LDB3: variants seen among roughly 807,000 people sequenced by gnomAD.
The protein encoded by LDB3 is LIM domain-binding protein 3.
A neutral mutation model predicts 69.0 loss-of-function variants in LDB3; 49 were observed. The ratio of observed to expected loss-of-function variants is 0.71; its 90% CI spans 0.56 to 0.90. The LOEUF (loss-of-function observed/expected upper bound fraction) is 0.90, where lower values mean the gene tolerates loss of function less well. Ranked by LOEUF, LDB3 falls within the 40% of genes least tolerant of loss-of-function variation. LDB3 has a pLI of 0.00. For synonymous variants in LDB3, 387 were observed against 396.2 expected (o/e 0.98, Z 0.28); for missense variants, 928 against 974.1 (o/e 0.95, Z 0.63).
At chr10:86,697,410 G>A (rs1163623790) in intron 7 of LDB3, among the ~76,000 whole-genome samples, 1 of 150,970 alleles carries the variant, frequency 6.6e-6, no homozygotes, top group Non-Finnish European at 1.5e-5. Context: ...TAGTAGAGAT[G>A]GGGTTTCACC....
At chr10:86,672,711 C>A (rs1844556850) in intron 2 of LDB3, among the ~76,000 whole-genome samples, 1 of 152,218 alleles carries the variant, frequency 6.6e-6, no homozygotes, top group African/African-American at 2.4e-5. Flanking sequence ...TCCCCCAGGC[C>A]AGGTCCTCCG....
In LDB3 at chr10:86,699,531, C is replaced by T. The variant is rs1846165343; in HGVS notation, c.896+6960C>T. ...AACCGCAGCATTTCTGTCCTCTGCC[C>T]ACCCCAGAGCTGATGCTGGGGCCCA... is the stretch of plus-strand genomic sequence containing the variant. On this transcript the variant is annotated intron_variant, in intron 7 of 13. Coordinates refer to ENST00000361373, the MANE Select transcript of LDB3 (RefSeq NM_007078.3). This position sits in a 1 kb window ranked among gnomAD's most constrained non-coding sequence, Gnocchi z 4.9. The T allele has an allele frequency of 1.9e-5, 29 of 1,493,266 alleles. No homozygotes were observed. The highest frequency in any genetic ancestry group is 2.0e-5 in the Non-Finnish European group (23 of 1,123,116). The allele number at this position is 1,493,266 out of a possible 1,614,324, so 92.5% of individuals were successfully genotyped here. A position where few individuals can be genotyped will look rare whatever the true frequency, so the allele number is the denominator to read the frequency against.
chr10:86,684,407 C>T (rs1168980992), intron 5 of LDB3, among the ~76,000 whole-genome samples: 4 of 152,242 alleles, frequency 2.6e-5, no homozygotes, highest in Non-Finnish European at 5.9e-5. Context: ...CAGCCCCCAC[C>T]CCGCCAGGCC....
At chr10:86,713,893 T>C (rs1372725299) in intron 9 of LDB3, among the ~76,000 whole-genome samples, 1 of 152,196 alleles carries the variant, frequency 6.6e-6, no homozygotes, top group Admixed American at 6.5e-5. Context: ...TCAGGTTATC[T>C]GACTTCAGGA....
At chr10:86,723,603 G>C (rs772726472) in intron 12 of LDB3, among the ~76,000 whole-genome samples, 1 of 152,196 alleles carries the variant, frequency 6.6e-6, no homozygotes, top group East Asian at 1.9e-4. Flanking sequence ...TCCTCAGGTG[G>C]AGACGGGTCA....
intron 2 of LDB3, among the ~76,000 whole-genome samples, chr10:86,677,136 C>T (rs376799654): frequency 3.9e-5 from 6 of 152,330 alleles, no homozygotes; most frequent in East Asian, 1.9e-4. Context: ...GGGTGGGGTC[C>T]GGAGCCTCCT....
At chr10:86,682,636 A>G (rs1356464115) in intron 5 of LDB3, among the ~76,000 whole-genome samples, 1 of 152,210 alleles carries the variant, frequency 6.6e-6, no homozygotes, top group Non-Finnish European at 1.5e-5. Flanking sequence ...CAGGCAGGGC[A>G]GGCTGAGTCA....
At position 86,699,107 on chromosome 10, in the gene LDB3, G is replaced by T. The variant is rs1439911096; in HGVS notation, c.896+6536G>T. Among the ~76,000 whole-genome samples the T allele has an allele frequency of 6.6e-6, 1 of 151,984 alleles. No individual in the cohort carries two copies. Among genetic ancestry groups the T allele is most frequent in the Non-Finnish European group, 1.5e-5 (1 of 67,982 alleles). ...TGGGTTACAATGTACCCCATGGATT[G>T]CATAGCTTCTCCAAGCCCGTTCCCT... On this transcript the variant is annotated intron_variant, in intron 7 of 13. Transcript: ENST00000361373. This position sits in a 1 kb window ranked among gnomAD's most constrained non-coding sequence, Gnocchi z 4.9.
At chr10:86,731,423 C>T (rs2132514352) in intron 13 of LDB3, among the ~76,000 whole-genome samples, 1 of 151,934 alleles carries the variant, frequency 6.6e-6, no homozygotes, top group South Asian at 2.1e-4. Context: ...CAAGGTTTCA[C>T]CATGTTGGTC....
chr10:86,731,552 T>C (rs1001848771), intron 13 of LDB3, among the ~76,000 whole-genome samples: 4 of 152,266 alleles, frequency 2.6e-5, no homozygotes, highest in East Asian at 1.9e-4. Flanking sequence ...TGGCATTCCA[T>C]TGGAAAAATA....
At chr10:86,715,068 G>A (rs972160565) in intron 9 of LDB3, among the ~76,000 whole-genome samples, 1 of 152,216 alleles carries the variant, frequency 6.6e-6, no homozygotes, top group Admixed American at 6.5e-5. Flanking sequence ...GCCCCAGGCG[G>A]TCCAGGGGAA....
At chr10:86,673,274 T>G (rs1589607139) in intron 2 of LDB3, among the ~76,000 whole-genome samples, 1 of 151,426 alleles carries the variant, frequency 6.6e-6, no homozygotes, top group African/African-American at 2.4e-5. Context: ...CCAGGGGAGG[T>G]GTGGTCAGCT....
At chr10:86,713,224 C>G (rs979138278) in intron 9 of LDB3, among the ~76,000 whole-genome samples, 1 of 152,038 alleles carries the variant, frequency 6.6e-6, no homozygotes, top group Non-Finnish European at 1.5e-5. Flanking sequence ...TATTGGACAC[C>G]GCAGGATTAG....
intron 7 of LDB3, among the ~76,000 whole-genome samples, chr10:86,703,310 C>T (rs1846329745): frequency 6.6e-6 from 1 of 152,228 alleles, no homozygotes; most frequent in South Asian, 2.1e-4. Context: ...GAGCAGCCAG[C>T]TCAGTGGCGT....
At chr10:86,679,029 C>T (rs1469554984) in intron 2 of LDB3, among the ~76,000 whole-genome samples, 1 of 152,188 alleles carries the variant, frequency 6.6e-6, no homozygotes, top group Non-Finnish European at 1.5e-5. Context: ...TCCTCCTCTC[C>T]ATGCCCTGCA....
At chr10:86,690,271 GA>G (rs1845694097) in intron 5 of LDB3, among the ~76,000 whole-genome samples, 1 of 152,168 alleles carries the variant, frequency 6.6e-6, no homozygotes, top group South Asian at 2.1e-4. Context: ...CAGGACCAGG[GA>G]GACCTGGTTG....
At chr10:86,672,326 C>T (rs1844532263) in intron 2 of LDB3, among the ~76,000 whole-genome samples, 1 of 152,122 alleles carries the variant, frequency 6.6e-6, no homozygotes, top group Non-Finnish European at 1.5e-5. Context: ...TGCAGGCTCA[C>T]CTGGAGCACC....
rs45543741 is a variant in LDB3 at position 86,681,690 on chromosome 10, G to T, written c.576G>T (p.Pro192=). Residue 192 remains proline, a synonymous_variant, in exon 5 of 14, where the codon CCG becomes CCT. Coordinates refer to ENST00000361373, the MANE Select transcript of LDB3 (RefSeq NM_007078.3). The part of the protein sequence containing the change: ...GPKALPGSSQ[P]RQYNNPIGLY... ...AAGCCCTGCCGGGCTCGAGCCAGCC[G>T]AGGCAATATAACAACCCCATTGGCC... 1,898 of 1,613,640 alleles carry T rather than the reference G, an allele frequency of 1.2e-3. 14 individuals carry two copies. The African/African-American group carries it at 0.019, about 17-fold the overall frequency.
Position 86,700,038 on chromosome 10 carries a change from G to A in LDB3, c.897-6493G>A, listed in dbSNP as rs982482168. ...GCTTGTTCTGAAATAAAGAAGATTT[G>A]AAGTGAACCACACCAAGCCCCAGTC... On this transcript the variant is annotated intron_variant, in intron 7 of 13. Transcript: ENST00000361373. 4.1e-6 allele frequency: 4 copies of A among 986,544 alleles called. No homozygotes were observed. The African/African-American group carries it at 7.0e-5, about 17-fold the overall frequency. 61.1% of individuals were successfully genotyped at this position (986,544 alleles called of 1,614,324 possible). A position where few individuals can be genotyped will look rare whatever the true frequency, so the allele number is the denominator to read the frequency against.
Sources: gnomAD v4.1 joint callset for allele counts (sites outside exome capture counted in the v4.1 genomes callset) on GRCh38, gnomAD v4.1.1 for gene constraint, Gnocchi (gnomAD v3.1) non-coding constraint, MANE v1.5 for transcripts, NCBI Gene and HGNC (gene_info 2026-07-23, HGNC 2026-07-21) for gene names.